Variants in COL12A1 observed in about 807,000 individuals in gnomAD.
COL12A1 encodes collagen type XII alpha 1 chain.
A neutral mutation model predicts 349.7 loss-of-function variants in COL12A1; 114 were observed. That is an observed-to-expected ratio of 0.33 (90% CI 0.28 to 0.38). The LOEUF is 0.38. COL12A1 is among the 10% of genes least tolerant of loss of function. COL12A1 has a pLI of 1.00. For synonymous variants in COL12A1, 1,369 were observed against 1,329.0 expected (o/e 1.03, Z -0.66); for missense variants, 3,284 against 3,756.9 (o/e 0.87, Z 3.29).
chr6:75,187,562 A>C (rs1228598148), intron 8 of COL12A1, among the ~76,000 whole-genome samples: 1 of 152,160 alleles, frequency 6.6e-6, no homozygotes, highest in African/African-American at 2.4e-5. Flanking sequence ...CAGTAAAACA[A>C]AGGATAGATT....
At chr6:75,096,333 T>G (rs1768021763) in intron 59 of COL12A1, among the ~76,000 whole-genome samples, 1 of 152,210 alleles carries the variant, frequency 6.6e-6, no homozygotes, top group African/African-American at 2.4e-5. Context: ...ATTTTAAACA[T>G]AAATAATAAA....
chr6:75,107,337 C>A (rs1207647291), intron 52 of COL12A1, among the ~76,000 whole-genome samples: 4 of 152,046 alleles, frequency 2.6e-5, no homozygotes, highest in African/African-American at 9.7e-5. Flanking sequence ...GTGGTGTGAT[C>A]TTGGCTCACT....
chr6:75,116,668 C>T (rs1769097728), intron 47 of COL12A1, among the ~76,000 whole-genome samples: 1 of 152,088 alleles, frequency 6.6e-6, no homozygotes, highest in Admixed American at 6.6e-5. Flanking sequence ...TTACTCTAAC[C>T]AGAGTTCTTG....
At position 75,152,445 on chromosome 6, in the gene COL12A1, C is replaced by T. The variant is rs182102882; in HGVS notation, c.3603G>A (p.Val1201=). 6 of 1,613,608 alleles carry T rather than the reference C, an allele frequency of 3.7e-6. No homozygotes were observed. Among genetic ancestry groups the T allele is most frequent in the Non-Finnish European group, 5.1e-6 (6 of 1,179,662 alleles). ...ECLTRAEADI[V]LLVDGSWSIG... Reference sequence around the variant, plus strand: ...TGCTCCATGATCCATCCACCAGCAACACAATGTCTGCCTCAGCTCTGGTGA... The same window carrying T: ...TGCTCCATGATCCATCCACCAGCAATACAATGTCTGCCTCAGCTCTGGTGA... Residue 1201 remains valine, a synonymous_variant, in exon 18 of 66, where the codon GTG becomes GTA. Coordinates refer to ENST00000322507, the MANE Select transcript of COL12A1 (RefSeq NM_004370.6).
At chr6:75,127,821 A>T (rs930553496) in intron 38 of COL12A1, among the ~76,000 whole-genome samples, 2 of 152,196 alleles carry the variant, frequency 1.3e-5, no homozygotes, top group Non-Finnish European at 2.9e-5. Context: ...TGCTTAGTAC[A>T]ATAAAAAATA....
chr6:75,187,616 C>A (rs189012219), intron 8 of COL12A1, among the ~76,000 whole-genome samples: 10 of 151,894 alleles, frequency 6.6e-5, no homozygotes, highest in Non-Finnish European at 1.3e-4. Context: ...AGAATTAGGG[C>A]CAATGAACAT....
intron 26 of COL12A1, among the ~76,000 whole-genome samples, chr6:75,142,447 A>G (rs1002498383): frequency 2.0e-5 from 3 of 152,146 alleles, no homozygotes; most frequent in Non-Finnish European, 1.5e-5. Context: ...CCTTTATATC[A>G]CTGCATTATT....
chr6:75,152,464 C>T lies in COL12A1; in HGVS notation c.3584G>A (p.Arg1195Lys). ...ILSSGMECLTRAEADIVLLVD... is the reference protein window; with the variant it reads ...ILSSGMECLTKAEADIVLLVD... The stretch of plus-strand genomic sequence containing the variant: ...CAGCAACACAATGTCTGCCTCAGCT[C>T]TGGTGAGACACTCCATCCCTGACAT... The change falls in exon 18 of 66, where the codon AGA becomes AAA. Residue 1195 changes from arginine (R) to lysine (K), a missense_variant. By Grantham distance (26) the Arg-to-Lys change is conservative. Coordinates refer to ENST00000322507, the MANE Select transcript of COL12A1 (RefSeq NM_004370.6). The T allele has an allele frequency of 1.2e-6, 2 of 1,613,446 alleles. No individual in the cohort carries two copies. Among genetic ancestry groups the T allele is most frequent in the Non-Finnish European group, 1.7e-6 (2 of 1,179,610 alleles).
At chr6:75,168,376 C>A (rs377316703) in intron 13 of COL12A1, among the ~76,000 whole-genome samples, 11 of 151,976 alleles carry the variant, frequency 7.2e-5, no homozygotes, top group African/African-American at 2.7e-4. Flanking sequence ...ATTAGATTAC[C>A]AAAAAATGAA....
intron 59 of COL12A1, among the ~76,000 whole-genome samples, chr6:75,096,153 T>C (rs1768014899): frequency 1.3e-5 from 2 of 152,332 alleles, no homozygotes; most frequent in Admixed American, 6.5e-5. Flanking sequence ...TTATAATATG[T>C]ACTGGCCAAT....
intron 1 of COL12A1, among the ~76,000 whole-genome samples, chr6:75,205,067 C>T (rs1187445706): frequency 6.6e-6 from 1 of 151,864 alleles, no homozygotes; most frequent in East Asian, 1.9e-4. Context: ...CCCCACAAGT[C>T]TAGGATCTGA....
intron 59 of COL12A1, among the ~76,000 whole-genome samples, 167 bp from the exon 60 acceptor site, chr6:75,095,346 G>A (rs182230787): frequency 1.9e-3 from 293 of 152,292 alleles, no homozygotes; most frequent in Non-Finnish European, 3.5e-3. Flanking sequence ...GGCCGGGCGC[G>A]GTGGCTCACG....
At chr6:75,117,607 C>T in intron 46 of COL12A1, 61 bp from the exon 47 acceptor site, 1 of 1,537,724 alleles carries the variant, frequency 6.5e-7, no homozygotes, top group South Asian at 1.2e-5. Flanking sequence ...GTTGTTAGAA[C>T]AATGCAAAAA....
At position 75,085,419 on chromosome 6, in the gene COL12A1, C is replaced by CAT. The variant is rs2149319509; in HGVS notation, c.*1127_*1128insAT. ...ATGATTTGGAAGGCACACACACACA[C>CAT]ACACAGCAAAAGCTAAATCATCACC... On this transcript the variant is annotated 3_prime_UTR_variant, in exon 66 of 66. Coordinates refer to ENST00000322507, the MANE Select transcript of COL12A1 (RefSeq NM_004370.6). The CAT allele has an allele frequency of 4.3e-6, 2 of 461,476 alleles. No individual in the cohort carries two copies. Among genetic ancestry groups the CAT allele is most frequent in the Non-Finnish European group, 9.1e-6 (2 of 219,850 alleles). 28.6% of individuals were successfully genotyped at this position (461,476 alleles called of 1,614,324 possible). A position where few individuals can be genotyped will look rare whatever the true frequency, so the allele number is the denominator to read the frequency against.
chr6:75,173,303 T>C (rs1474914228), intron 13 of COL12A1, among the ~76,000 whole-genome samples: 1 of 152,224 alleles, frequency 6.6e-6, no homozygotes, highest in East Asian at 1.9e-4. Flanking sequence ...CACTGGTATT[T>C]AATCTTTCAT....
At chr6:75,168,834 A>C (rs775542113) in intron 13 of COL12A1, among the ~76,000 whole-genome samples, 24 of 152,206 alleles carry the variant, frequency 1.6e-4, no homozygotes, top group African/African-American at 7.2e-5. Flanking sequence ...CTCCTTCAAA[A>C]TAAAGACAGG....
At position 75,142,063 on chromosome 6, in the gene COL12A1, C is replaced by T. The variant is rs2149401141; in HGVS notation, c.4926G>A (p.Glu1642=). 6.2e-7 allele frequency: 1 copy of T among 1,614,102 alleles called. No homozygotes were observed. ...VSVSAVHDEG[E]SPPVTAQETT... Reference sequence around the variant, plus strand: ...TTTCTTGAGCAGTCACTGGAGGAGACTCCCCCTCGTCATGTACTGCAGAAA... The same window carrying T: ...TTTCTTGAGCAGTCACTGGAGGAGATTCCCCCTCGTCATGTACTGCAGAAA... Residue 1642 remains glutamate (E), a synonymous_variant, in exon 27 of 66, where the codon GAG becomes GAA. Coordinates refer to ENST00000322507, the MANE Select transcript of COL12A1 (RefSeq NM_004370.6).
rs762832336 is a variant in COL12A1, at chr6:75,142,090, G to A, written c.4899C>T (p.Ser1633=). Residue 1633 remains serine (S), a synonymous_variant, in exon 27 of 66, where the codon AGC becomes AGT. Coordinates refer to ENST00000322507, the MANE Select transcript of COL12A1 (RefSeq NM_004370.6). ...CCCCCTCGTCATGTACTGCAGAAAC[G>A]CTGACTGTGTACAAGGTCTGTGAGA... ...DLFSQTLYTV[S]VSAVHDEGES... 15 of 1,613,956 alleles carry A rather than the reference G, an allele frequency of 9.3e-6. No individual in the cohort carries two copies. The highest frequency in any genetic ancestry group is 1.6e-4 in the Middle Eastern group (1 of 6,080).
chr6:75,175,431 G>A, intron 12 of COL12A1, 121 bp from the exon 13 acceptor site: 1 of 1,194,124 alleles, frequency 8.4e-7, no homozygotes, highest in Non-Finnish European at 1.1e-6. Context: ...GTGAGACTAT[G>A]ACAATTTTAA....
Sources: gnomAD v4.1 joint callset for allele counts (sites outside exome capture counted in the v4.1 genomes callset) on GRCh38, gnomAD v4.1.1 for gene constraint, MANE v1.5 for transcripts, NCBI Gene and HGNC (gene_info 2026-07-23, HGNC 2026-07-21) for gene names.